Variants in DELE1 observed in about 807,000 individuals in gnomAD.
The protein encoded by DELE1 is death ligand signal enhancer.
A neutral mutation model predicts 59.3 loss-of-function variants in DELE1; 54 were observed. The ratio of observed to expected loss-of-function variants is 0.91; its 90% CI spans 0.73 to 1.14. The LOEUF (loss-of-function observed/expected upper bound fraction) is 1.14. Ranked by LOEUF, DELE1 falls within the 50% of genes most tolerant of loss-of-function variation. The pLI, the probability that DELE1 is intolerant of heterozygous loss-of-function variation, is 0.00. For missense variants in DELE1, 636 were observed against 643.9 expected (o/e 0.99, Z 0.13); for synonymous variants, 264 against 259.1 (o/e 1.02, Z -0.18).
In DELE1 at chr5:141,925,523, C is replaced by T; in HGVS notation, c.260C>T (p.Ser87Phe). The T allele has an allele frequency of 6.3e-7, 1 of 1,583,254 alleles. No homozygotes were observed. Among genetic ancestry groups the T allele is most frequent in the East Asian group, 2.3e-5 (1 of 42,600 alleles). Residue 87 changes from serine to phenylalanine, a missense_variant, in exon 3 of 12, where the codon TCT (serine) becomes TTT (phenylalanine). Coordinates refer to ENST00000432126, the MANE Select transcript of DELE1 (RefSeq NM_014773.5). ...CCGAACACCCTATGGGATGCCATAT[C>T]TTGGGTAAGGCTTCCCCAGCCTGGT... ...VSPNTLWDAISWGTLAVLALQ... is the reference protein window; with the variant it reads ...VSPNTLWDAIFWGTLAVLALQ...
intron 8 of DELE1, chr5:141,933,990 T>C (rs1483182298): frequency 1.5e-5 from 5 of 326,444 alleles, no homozygotes; most frequent in Non-Finnish European, 2.8e-5. Context: ...CTAACACATA[T>C]ATGTGAGAAG....
At position 141,937,332 on chromosome 5, in the gene DELE1, A is replaced by G. The variant is rs758687117; in HGVS notation, c.1284A>G (p.Arg428=). Residue 428 remains arginine, a synonymous_variant, in exon 11 of 12, where the codon CGA becomes CGG. Coordinates refer to ENST00000432126, the MANE Select transcript of DELE1 (RefSeq NM_014773.5). The part of the protein sequence containing the change: ...LGNEAAQERL[R]ALFSMGAAAP... ...ATGAGGCCGCCCAGGAGAGGCTGCG[A>G]GCCCTCTTTTCCATGGGGGCTGCAG... 43 of 1,614,032 alleles carry G rather than the reference A, an allele frequency of 2.7e-5. No homozygotes were observed. Among genetic ancestry groups the G allele is most frequent in the African/African-American group, 4.0e-5 (3 of 74,924 alleles).
intron 4 of DELE1, 75 bp from the exon 5 acceptor site, chr5:141,929,507 C>T (rs747192602): frequency 2.0e-4 from 305 of 1,527,542 alleles, no homozygotes; most frequent in Non-Finnish European, 2.6e-4. Context: ...GCCTCGGCCT[C>T]CCAAGGTGCT....
rs1343828084 is a variant in DELE1, at chr5:141,939,541, G to C, written c.*782G>C. ...CTTGCCCAAATGCCTGGATGTGTCT[G>C]CTTGACTTTCAGAACTTCTCACCTC... On this transcript the variant is annotated 3_prime_UTR_variant, in exon 12 of 12. Transcript: ENST00000432126. 1.0e-6 allele frequency: 1 copy of C among 985,670 alleles called. No individual in the cohort carries two copies. Among genetic ancestry groups the C allele is most frequent in the Non-Finnish European group, 1.2e-6 (1 of 829,944 alleles). The allele number at this position is 985,670 out of a possible 1,614,324, so 61.1% of individuals were successfully genotyped here.
rs1024165968 is a variant in DELE1, at chr5:141,929,501, C to T, written c.413-81C>T. The T allele has an allele frequency of 3.0e-5, 45 of 1,475,496 alleles. 1 individual carries two copies. The South Asian group carries it at 4.3e-4, about 14-fold the overall frequency. 91.4% of individuals were successfully genotyped at this position (1,475,496 alleles called of 1,614,324 possible). On this transcript the variant is annotated intron_variant, in intron 4 of 11. Coordinates refer to ENST00000432126, the MANE Select transcript of DELE1 (RefSeq NM_014773.5). Reference sequence around the variant, plus strand: ...CTGACCTCAGGTGATCCACCCGCCTCGGCCTCCCAAGGTGCTGTGATTATA... The same window carrying T: ...CTGACCTCAGGTGATCCACCCGCCTTGGCCTCCCAAGGTGCTGTGATTATA...
At chr5:141,932,091 G>C (rs1646252859) in intron 7 of DELE1, among the ~76,000 whole-genome samples, 1 of 152,166 alleles carries the variant, frequency 6.6e-6, no homozygotes, top group South Asian at 2.1e-4. Flanking sequence ...AAAAGGCTTG[G>C]TATATTAAGT....
At position 141,941,015 on chromosome 5, in the gene DELE1, C is replaced by G. The variant is rs566416243; in HGVS notation, c.*2256C>G. 70 of 985,168 alleles carry G rather than the reference C, an allele frequency of 7.1e-5. No homozygotes were observed. In the African/African-American group the frequency reaches 1.1e-3, roughly 15 times the overall value. The allele number at this position is 985,168 out of a possible 1,614,324, so 61.0% of individuals were successfully genotyped here. A position where few individuals can be genotyped will look rare whatever the true frequency, so the allele number is the denominator to read the frequency against. On this transcript the variant is annotated 3_prime_UTR_variant, in exon 12 of 12. Coordinates refer to ENST00000432126, the MANE Select transcript of DELE1 (RefSeq NM_014773.5). ...ACTTGGTTAACCCAATGTTTTCTCT[C>G]ACTGAATTGAGCCCAGAGCCCGTTT...
At position 141,939,647 on chromosome 5, in the gene DELE1, C is replaced by T. The variant is rs1461919464; in HGVS notation, c.*888C>T. 1 of 985,886 alleles carries T rather than the reference C, an allele frequency of 1.0e-6. No individual in the cohort carries two copies. Among genetic ancestry groups the T allele is most frequent in the Non-Finnish European group, 1.2e-6 (1 of 829,976 alleles). The allele number at this position is 985,886 out of a possible 1,614,324, so 61.1% of individuals were successfully genotyped here. On this transcript the variant is annotated 3_prime_UTR_variant, in exon 12 of 12. Coordinates refer to ENST00000432126, the MANE Select transcript of DELE1 (RefSeq NM_014773.5). ...AAGAAGAGGCCAGATACCCACCCAC[C>T]TTCCCCCAAATCTTAAGCACCTGCG...
intron 2 of DELE1, among the ~76,000 whole-genome samples, chr5:141,924,967 G>A (rs1351947388): frequency 1.3e-5 from 2 of 151,256 alleles, no homozygotes; most frequent in African/African-American, 4.9e-5. Context: ...TCGCTCTGTC[G>A]CCCAGGCTGG....
Position 141,941,970 on chromosome 5 carries a change from C to G in DELE1, c.*3211C>G, listed in dbSNP as rs186752657. On this transcript the variant is annotated 3_prime_UTR_variant, in exon 12 of 12. Transcript: ENST00000432126. ...CTCGCCGCCTATACACACGCACACACGCACACACACACACACGGTTTCCTG... is the reference window on the plus strand; with the variant it reads ...CTCGCCGCCTATACACACGCACACAGGCACACACACACACACGGTTTCCTG... 6.1e-6 allele frequency: 6 copies of G among 980,964 alleles called. No homozygotes were observed. Among genetic ancestry groups the G allele is most frequent in the Admixed American group, 6.2e-5 (1 of 16,204 alleles). The allele number at this position is 980,964 out of a possible 1,614,324, so 60.8% of individuals were successfully genotyped here.
At position 141,929,714 on chromosome 5, in the gene DELE1, C is replaced by T. The variant is rs755491125; in HGVS notation, c.545C>T (p.Ala182Val). The change falls in exon 5 of 12, where the codon GCT becomes GTT. Residue 182 changes from alanine to valine, a missense_variant. By Grantham distance (64) the Ala-to-Val change is moderately conservative. Coordinates refer to ENST00000432126, the MANE Select transcript of DELE1 (RefSeq NM_014773.5). The part of the protein sequence containing the change: ...RNFSHNSLRG[A>V]RPQDPSEEGP... ...TTCTCACACAACTCTTTGAGAGGAG[C>T]TCGTCCTCAGGACCCCTCTGAGGAA... 3.7e-6 allele frequency: 6 copies of T among 1,614,188 alleles called. No individual in the cohort carries two copies. The highest frequency in any genetic ancestry group is 1.3e-5 in the African/African-American group (1 of 75,042).
chr5:141,929,536 C>T, intron 4 of DELE1, 46 bp from the exon 5 acceptor site: 1 of 1,594,764 alleles, frequency 6.3e-7, no homozygotes, highest in South Asian at 1.1e-5. Context: ...AGGTGTGAGC[C>T]ATCGCGCCTG....
Position 141,938,523 on chromosome 5 carries a change from C to T in DELE1, c.1312C>T (p.Pro438Ser). 1 of 1,613,720 alleles carries T rather than the reference C, an allele frequency of 6.2e-7. No individual in the cohort carries two copies. Residue 438 changes from proline to serine, a missense_variant and splice_region_variant, in exon 12 of 12, where the codon CCG (proline) becomes TCG (serine). Physicochemically the swap from Pro to Ser is moderately conservative, Grantham distance 74. Coordinates refer to ENST00000432126, the MANE Select transcript of DELE1 (RefSeq NM_014773.5). The part of the protein sequence containing the change: ...RALFSMGAAA[P>S]GPSDLTVTGL... ...GTTGCTCTCACCTCTTCTTGTAGCC[C>T]CGGGGCCCAGCGACCTGACAGTTAC... is the stretch of plus-strand genomic sequence containing the variant.
intron 11 of DELE1, among the ~76,000 whole-genome samples, chr5:141,937,833 T>G (rs1323532585): frequency 3.4e-5 from 5 of 148,070 alleles, no homozygotes; most frequent in Admixed American, 1.3e-4. Flanking sequence ...GTTTTTTTTG[T>G]TTTTTTTTGA....
At chr5:141,936,520 C>T (rs974103656) in intron 10 of DELE1, among the ~76,000 whole-genome samples, 8 of 152,152 alleles carry the variant, frequency 5.3e-5, no homozygotes, top group African/African-American at 1.7e-4. Context: ...CTGCAACCTC[C>T]GCCTCCCGGG....
chr5:141,932,402 G>C (rs1004118749), intron 7 of DELE1, among the ~76,000 whole-genome samples: 1 of 152,122 alleles, frequency 6.6e-6, no homozygotes, highest in Admixed American at 6.5e-5. Context: ...ATCAGTTAGG[G>C]TTTGTTGGTT....
intron 2 of DELE1, 140 bp downstream of exon 2, chr5:141,924,835 A>G: frequency 3.3e-6 from 2 of 603,122 alleles, no homozygotes; most frequent in Non-Finnish European, 5.9e-6. Context: ...AGCTCACTGC[A>G]ACCTCCGCCT....
At chr5:141,936,507 G>A (rs1056571724) in intron 10 of DELE1, among the ~76,000 whole-genome samples, 11 of 152,018 alleles carry the variant, frequency 7.2e-5, no homozygotes, top group East Asian at 1.9e-4. Context: ...CGATCTCAGC[G>A]CACTGCAACC....
chr5:141,929,888 C>T, intron 5 of DELE1, 101 bp from the exon 6 acceptor site: 2 of 1,510,698 alleles, frequency 1.3e-6, no homozygotes, highest in Admixed American at 1.7e-5. Context: ...CGGTTCCTGG[C>T]AAGGGTGCTG....
Sources: gnomAD v4.1 joint callset for allele counts (sites outside exome capture counted in the v4.1 genomes callset) on GRCh38, gnomAD v4.1.1 for gene constraint, MANE v1.5 for transcripts, NCBI Gene and HGNC (gene_info 2026-07-23, HGNC 2026-07-21) for gene names.